OLFM3: variants seen among roughly 807,000 people sequenced by gnomAD.
OLFM3 encodes the protein olfactomedin 3.
A neutral mutation model predicts 48.6 loss-of-function variants in OLFM3; 20 were observed. The observed-to-expected ratio is 0.41, with a 90% CI of 0.29 to 0.60. OLFM3 has a LOEUF of 0.60. OLFM3 is among the 20% of genes least tolerant of loss of function. The probability of loss-of-function intolerance (pLI) is 0.28; values close to 1 mark genes in which losing one functional copy is unlikely to be tolerated. For synonymous variants in OLFM3, 222 were observed against 198.1 expected (o/e 1.12, Z -1.01); for missense variants, 437 against 544.3 (o/e 0.80, Z 1.96).
At chr1:101,849,968 G>C (rs1656159548) in intron 1 of OLFM3, among the ~76,000 whole-genome samples, 1 of 152,128 alleles carries the variant, frequency 6.6e-6, no homozygotes, top group Admixed American at 6.6e-5. Flanking sequence ...GTTCAGAAAA[G>C]AATTAATTTC....
chr1:101,869,991 T>C (rs1657012020), intron 1 of OLFM3, among the ~76,000 whole-genome samples: 1 of 152,192 alleles, frequency 6.6e-6, no homozygotes, highest in African/African-American at 2.4e-5. Flanking sequence ...AACAGACTAA[T>C]ACAGGTAATT....
intron 1 of OLFM3, chr1:101,847,060 A>C (rs1656032162): frequency 6.7e-7 from 1 of 1,493,730 alleles, no homozygotes; most frequent in Non-Finnish European, 9.0e-7. Context: ...AGCGCGCCAC[A>C]TCTACAGCAT....
chr1:101,970,518 T>C (rs1280267191), intron 1 of OLFM3, among the ~76,000 whole-genome samples: 1 of 152,216 alleles, frequency 6.6e-6, no homozygotes, highest in African/African-American at 2.4e-5. Context: ...TCCCCCTTCT[T>C]TCCTGCTTTT....
chr1:101,850,783 T>C (rs187088775), intron 1 of OLFM3, among the ~76,000 whole-genome samples: 14 of 152,302 alleles, frequency 9.2e-5, no homozygotes, highest in Admixed American at 7.9e-4. Context: ...GAAGAAATAG[T>C]GTACTCATAC....
At chr1:101,946,989 G>C (rs1286821565) in intron 1 of OLFM3, among the ~76,000 whole-genome samples, 1 of 152,230 alleles carries the variant, frequency 6.6e-6, no homozygotes, top group East Asian at 1.9e-4. Flanking sequence ...TCGTTAATGT[G>C]AAAGAAAATG....
chr1:101,976,381 G>A (rs1212685872), intron 1 of OLFM3, among the ~76,000 whole-genome samples: 1 of 152,150 alleles, frequency 6.6e-6, no homozygotes, highest in Non-Finnish European at 1.5e-5. Context: ...ACAGACTATT[G>A]CTGATTTTTA....
chr1:101,974,677 A>G (rs1217352580), intron 1 of OLFM3, among the ~76,000 whole-genome samples: 2 of 152,146 alleles, frequency 1.3e-5, no homozygotes, highest in African/African-American at 4.8e-5. Context: ...TACTAATGCT[A>G]CATAACCCTA....
intron 1 of OLFM3, among the ~76,000 whole-genome samples, chr1:101,890,168 T>C (rs1368138975): frequency 6.6e-6 from 1 of 152,102 alleles, no homozygotes; most frequent in African/African-American, 2.4e-5. Flanking sequence ...AAAATAGTTT[T>C]AATGATCTTG....
At chr1:101,989,596 T>TA (rs1457101393) in intron 1 of OLFM3, among the ~76,000 whole-genome samples, 3 of 152,200 alleles carry the variant, frequency 2.0e-5, no homozygotes, top group Non-Finnish European at 4.4e-5. Flanking sequence ...TATTTTTTTT[T>TA]ACCCTTCATA....
intron 4 of OLFM3, among the ~76,000 whole-genome samples, chr1:101,813,816 C>T (rs1350267773): frequency 6.6e-6 from 1 of 152,086 alleles, no homozygotes; most frequent in East Asian, 1.9e-4. Flanking sequence ...GGAGTCAAAT[C>T]CTTTGGGTAA....
At chr1:101,921,726 G>A (rs1429387584) in intron 1 of OLFM3, among the ~76,000 whole-genome samples, 2 of 152,154 alleles carry the variant, frequency 1.3e-5, no homozygotes, top group African/African-American at 2.4e-5. Flanking sequence ...CTACAACTCT[G>A]TATGAACTGA....
At chr1:101,821,015 C>G (rs1285520775) in intron 4 of OLFM3, among the ~76,000 whole-genome samples, 1 of 152,040 alleles carries the variant, frequency 6.6e-6, no homozygotes, top group East Asian at 1.9e-4. Flanking sequence ...AGCAGCATAG[C>G]AACTGGATTA....
At chr1:101,849,574 T>C (rs780355457) in intron 1 of OLFM3, among the ~76,000 whole-genome samples, 4 of 152,244 alleles carry the variant, frequency 2.6e-5, no homozygotes, top group Non-Finnish European at 5.9e-5. Context: ...TTAGTCATTT[T>C]TATGATGCAG....
intron 1 of OLFM3, among the ~76,000 whole-genome samples, chr1:101,943,331 T>G (rs1659851687): frequency 6.6e-6 from 1 of 152,208 alleles, no homozygotes; most frequent in Non-Finnish European, 1.5e-5. Flanking sequence ...ATGCCCTTTT[T>G]GATAGCTTGT....
At chr1:101,964,184 T>A (rs973954310) in intron 1 of OLFM3, among the ~76,000 whole-genome samples, 3 of 152,122 alleles carry the variant, frequency 2.0e-5, no homozygotes, top group African/African-American at 7.2e-5. Flanking sequence ...TGTATATGTA[T>A]GTGGAAGAAA....
chr1:101,982,898 GTCTT>G (rs1284927873), intron 1 of OLFM3, among the ~76,000 whole-genome samples: 1 of 132,424 alleles, frequency 7.6e-6, no homozygotes, highest in Non-Finnish European at 1.6e-5. Flanking sequence ...CTCTGTCTCT[GTCTT>G]TCTTTGTTTT....
In OLFM3 at chr1:101,862,941, T is replaced by C. The variant is rs149658341; in HGVS notation, c.70-25916A>G. ...CCTTTGAAAATCTCTGATACATTGA[T>C]TTTTCAAGTTGAATACCTTCAGTAT... On this transcript the variant is annotated intron_variant, in intron 1 of 5. Coordinates refer to ENST00000370103, the MANE Select transcript of OLFM3 (RefSeq NM_058170.4). Among the ~76,000 whole-genome samples, 662 of 152,304 alleles carry C rather than the reference T, an allele frequency of 4.3e-3. 17 individuals carry two copies. The highest frequency in any genetic ancestry group is 0.036 in the Admixed American group (557 of 15,300).
intron 1 of OLFM3, among the ~76,000 whole-genome samples, chr1:101,857,549 G>C (rs895560343): frequency 1.3e-5 from 2 of 151,738 alleles, no homozygotes; most frequent in Non-Finnish European, 2.9e-5. Flanking sequence ...ACTGAAAATG[G>C]ATCAGCTTTG....
chr1:101,822,387 C>T (rs1654652697), intron 4 of OLFM3, among the ~76,000 whole-genome samples: 1 of 152,102 alleles, frequency 6.6e-6, no homozygotes, highest in Non-Finnish European at 1.5e-5. Context: ...CCTGTCCTTG[C>T]TTCAGTAGAG....
Sources: gnomAD v4.1 joint callset for allele counts (sites outside exome capture counted in the v4.1 genomes callset) on GRCh38, gnomAD v4.1.1 for gene constraint, MANE v1.5 for transcripts, NCBI Gene and HGNC (gene_info 2026-07-23, HGNC 2026-07-21) for gene names.